Variants in CIART observed in about 807,000 individuals in gnomAD.
CIART encodes circadian-associated transcriptional repressor.
Under a neutral mutation model 22.1 loss-of-function variants are expected in CIART, and 7 were observed. That is an observed-to-expected ratio of 0.32 (90% confidence interval 0.18 to 0.59). The LOEUF is 0.59. CIART is among the 20% of genes least tolerant of loss of function. The probability of loss-of-function intolerance (pLI) is 0.86; values close to 1 mark genes in which losing one functional copy is unlikely to be tolerated. For synonymous variants in CIART, 163 were observed against 174.6 expected, an observed-to-expected ratio of 0.93 and a Z score of 0.53; for missense variants, 440 against 478.0, an observed-to-expected ratio of 0.92 and a Z score of 0.74.
At chr1:150,284,526 C>T (rs1553854245) in intron 3 of CIART, 22 bp downstream of exon 3, 1 of 1,598,636 alleles carries the variant, frequency 6.3e-7, no homozygotes, top group Non-Finnish European at 8.6e-7. Flanking sequence ...TGGTTCTTTG[C>T]TTGGGTCTTC....
At position 150,286,912 on chromosome 1, in the gene CIART, C is replaced by A; in HGVS notation, c.1116C>A (p.Ser372Arg). The change falls in exon 5 of 5, where the codon AGC (serine) becomes AGA (arginine). Residue 372 changes from serine to arginine, a missense_variant. Ser to Arg is a moderately radical substitution (Grantham distance 110, BLOSUM62 -1). Transcript: ENST00000290363. The part of the protein sequence containing the change: ...MTIGHREQQR[S>R]HPPVAADAHL... ...TAGGACACCGGGAGCAGCAGAGAAGCCATCCTCCAGTTGCTGCTGATGCTC... is the reference window on the plus strand; with the variant it reads ...TAGGACACCGGGAGCAGCAGAGAAGACATCCTCCAGTTGCTGCTGATGCTC... The A allele has an allele frequency of 6.3e-7, 1 of 1,597,652 alleles. No homozygotes were observed. The highest frequency in any genetic ancestry group is 8.5e-7 in the Non-Finnish European group (1 of 1,169,822).
At chr1:150,285,963 C>T (rs1445074574) in intron 4 of CIART, among the ~76,000 whole-genome samples, 1 of 152,002 alleles carries the variant, frequency 6.6e-6, no homozygotes, top group African/African-American at 2.4e-5. Flanking sequence ...CAGAGTGAGA[C>T]CCTGTCTCAA....
At chr1:150,284,088 G>T (rs1381668362) in intron 2 of CIART, among the ~76,000 whole-genome samples, 1 of 151,760 alleles carries the variant, frequency 6.6e-6, no homozygotes, top group Non-Finnish European at 1.5e-5. Context: ...CGCGATCTCG[G>T]CTCACTGCAA....
In CIART at chr1:150,286,708, C is replaced by G; in HGVS notation, c.912C>G (p.Thr304=). 1.2e-6 allele frequency: 2 copies of G among 1,613,976 alleles called. No homozygotes were observed. The highest frequency in any genetic ancestry group is 1.7e-6 in the Non-Finnish European group (2 of 1,179,856). ...TCCAGCATGGAGTGCAACCCTTCAC[C>G]CACTCTGCCCCAACCACCCCAGTCC... The part of the protein sequence containing the change: ...LFLQHGVQPF[T]HSAPTTPVPP... The change falls in exon 5 of 5, where the codon ACC becomes ACG. Residue 304 remains threonine (T), a synonymous_variant. Transcript: ENST00000290363.
intron 2 of CIART, 22 bp from the exon 3 acceptor site, chr1:150,284,404 C>G: frequency 1.3e-6 from 2 of 1,558,018 alleles, no homozygotes; most frequent in Non-Finnish European, 1.8e-6. Context: ...AATCCTTAAT[C>G]TCTCTCTGTC....
intron 2 of CIART, 87 bp downstream of exon 2, chr1:150,283,967 T>G (rs587626243): frequency 1.3e-5 from 12 of 943,820 alleles, no homozygotes; most frequent in Middle Eastern, 2.1e-4. Flanking sequence ...AAGTTCTTGT[T>G]TGGGGCCTAT....
chr1:150,287,002 TTATGTA>T lies in CIART; in HGVS notation c.*52_*57del, dbSNP rs782517285. ...TGTGACTTCTAATTTGTGTAAATAT[TTATGTA>T]TATATGTATTTTTACTATTAATGTG... On this transcript the variant is annotated 3_prime_UTR_variant, in exon 5 of 5. Coordinates refer to ENST00000290363, the MANE Select transcript of CIART (RefSeq NM_144697.4). 9 of 1,427,786 alleles carry T rather than the reference TTATGTA, an allele frequency of 6.3e-6. No individual in the cohort carries two copies. The highest frequency in any genetic ancestry group is 6.6e-6 in the Non-Finnish European group (7 of 1,057,882). The allele number at this position is 1,427,786 out of a possible 1,614,324, so 88.4% of individuals were successfully genotyped here. A position where few individuals can be genotyped will look rare whatever the true frequency, so the allele number is the denominator to read the frequency against.
At chr1:150,283,966 T>C in intron 2 of CIART, 86 bp downstream of exon 2, 2 of 980,506 alleles carry the variant, frequency 2.0e-6, no homozygotes, top group South Asian at 2.8e-5. Context: ...GAAGTTCTTG[T>C]TTGGGGCCTA....
chr1:150,284,513 C>A lies in CIART; in HGVS notation c.521+9C>A. The stretch of plus-strand genomic sequence containing the variant: ...CAGAAGCCACAGATGGGGTAAGTCC[C>A]GCTGGTTCTTTGCTTGGGTCTTCAT... On this transcript the variant is annotated intron_variant, in intron 3 of 4. Transcript: ENST00000290363. 6.2e-7 allele frequency: 1 copy of A among 1,605,528 alleles called. No individual in the cohort carries two copies. Among genetic ancestry groups the A allele is most frequent in the Non-Finnish European group, 8.5e-7 (1 of 1,172,186 alleles).
At chr1:150,284,569 G>GT in intron 3 of CIART, 28 bp from the exon 4 acceptor site, 1 of 1,599,352 alleles carries the variant, frequency 6.3e-7, no homozygotes, top group East Asian at 2.2e-5. Flanking sequence ...CCTGTTGCTG[G>GT]TTTTTTAAAG....
rs143011030 is a variant in CIART, at chr1:150,286,701, C to T, written c.905C>T (p.Pro302Leu). The T allele has an allele frequency of 3.1e-6, 5 of 1,614,082 alleles. 1 individual carries two copies. The South Asian group carries it at 5.5e-5, about 18-fold the overall frequency. Residue 302 changes from proline (P) to leucine (L), a missense_variant, in exon 5 of 5, where the codon CCC (proline) becomes CTC (leucine). Transcript: ENST00000290363. ...CTTTTCCTCCAGCATGGAGTGCAACCCTTCACCCACTCTGCCCCAACCACC... is the reference window on the plus strand; with the variant it reads ...CTTTTCCTCCAGCATGGAGTGCAACTCTTCACCCACTCTGCCCCAACCACC... ...VILFLQHGVQ[P>L]FTHSAPTTPV...
Position 150,284,002 on chromosome 1 carries a change from C to CTTTATTATTATTATTATTAT in CIART, c.442+124_442+143dup, listed in dbSNP as rs1553854126. The CTTTATTATTATTATTATTAT allele has an allele frequency of 2.4e-3, 1,264 of 519,868 alleles. 24 individuals carry two copies. The African/African-American group carries it at 0.032, about 13-fold the overall frequency. The allele number at this position is 519,868 out of a possible 1,614,324, so 32.2% of individuals were successfully genotyped here. On this transcript the variant is annotated intron_variant, in intron 2 of 4. Transcript: ENST00000290363. ...TATTACTCCTTTTTTGCTACTATGACTTTATTATTATTATTATTATTATTA... is the reference window on the plus strand; with the variant it reads ...TATTACTCCTTTTTTGCTACTATGACTTTATTATTATTATTATTATTTTATTATTATTATTATTATTATTA...
Position 150,283,866 on chromosome 1 carries a change from G to C in CIART, c.428G>C (p.Gly143Ala), listed in dbSNP as rs781867035. 6.3e-7 allele frequency: 1 copy of C among 1,583,280 alleles called. No individual in the cohort carries two copies. The highest frequency in any genetic ancestry group is 8.7e-7 in the Non-Finnish European group (1 of 1,152,952). Residue 143 changes from glycine to alanine, a missense_variant, in exon 2 of 5, where the codon GGT (glycine) becomes GCT (alanine). Transcript: ENST00000290363. Reference sequence around the variant, plus strand: ...GACCTACTCAATGGGCTGAAGATGGGTCGTTTTGAGAGAGGTAATCTTATT... The same window carrying C: ...GACCTACTCAATGGGCTGAAGATGGCTCGTTTTGAGAGAGGTAATCTTATT... ...LTDLLNGLKMGRFERGLSSFQ... is the reference protein window; with the variant it reads ...LTDLLNGLKMARFERGLSSFQ...
At chr1:150,284,316 G>A in intron 2 of CIART, 110 bp from the exon 3 acceptor site, 3 of 1,077,456 alleles carry the variant, frequency 2.8e-6, no homozygotes, top group Non-Finnish European at 2.8e-6. Flanking sequence ...ACCTTGCCTG[G>A]CCCGACTTAA....
chr1:150,283,278 C>T lies in CIART; in HGVS notation c.11C>T (p.Pro4Leu), dbSNP rs782799615. MDS[P>L]SSVSSYSSYS... is the part of the protein sequence containing the mutation. The stretch of plus-strand genomic sequence containing the variant: ...CCTGCTTCTGGACCTATGGATTCTC[C>T]ATCTAGCGTTTCTTCCTATTCCTCC... Residue 4 changes from proline (P) to leucine (L), a missense_variant, in exon 1 of 5, where the codon CCA (proline) becomes CTA (leucine). Physicochemically the swap from Pro to Leu is moderately conservative, Grantham distance 98. Transcript: ENST00000290363. 5 of 1,519,842 alleles carry T rather than the reference C, an allele frequency of 3.3e-6. No homozygotes were observed. In the Admixed American group the frequency reaches 9.0e-5, roughly 27 times the overall value. 94.1% of individuals were successfully genotyped at this position (1,519,842 alleles called of 1,614,324 possible).
intron 4 of CIART, among the ~76,000 whole-genome samples, chr1:150,285,733 T>G (rs978619639): frequency 1.3e-5 from 2 of 152,056 alleles, no homozygotes; most frequent in East Asian, 1.9e-4. Flanking sequence ...CTTAGCACTT[T>G]GGGAGGCCAA....
chr1:150,285,135 AG>A, intron 4 of CIART: 1 of 195,002 alleles, frequency 5.1e-6, no homozygotes, highest in South Asian at 8.8e-5. Flanking sequence ...ACAGTTTTTG[AG>A]TCTACACTGG....
Position 150,284,602 on chromosome 1 carries a change from G to A in CIART, c.527G>A (p.Arg176His), listed in dbSNP as rs587665092. The change falls in exon 4 of 5, where the codon CGT becomes CAT. Residue 176 changes from arginine to histidine, a missense_variant. Physicochemically the swap from Arg to His is conservative, Grantham distance 29 (BLOSUM62 0). Coordinates refer to ENST00000290363, the MANE Select transcript of CIART (RefSeq NM_144697.4). ...GVLQKPQMGERYLGTLLQVEG... is the reference protein window; with the variant it reads ...GVLQKPQMGEHYLGTLLQVEG... ...AAGCAACGTCATTTTCACAGGGAACGTTACCTAGGAACCTTGCTACAGGTA... is the reference window on the plus strand; with the variant it reads ...AAGCAACGTCATTTTCACAGGGAACATTACCTAGGAACCTTGCTACAGGTA... 5.0e-6 allele frequency: 8 copies of A among 1,611,902 alleles called. No individual in the cohort carries two copies. The highest frequency in any genetic ancestry group is 4.4e-5 in the South Asian group (4 of 91,048).
At position 150,283,276 on chromosome 1, in the gene CIART, T is replaced by G; in HGVS notation, c.9T>G (p.Ser3=). 6.6e-7 allele frequency: 1 copy of G among 1,518,918 alleles called. No individual in the cohort carries two copies. The highest frequency in any genetic ancestry group is 1.3e-5 in the South Asian group (1 of 74,994). 94.1% of individuals were successfully genotyped at this position (1,518,918 alleles called of 1,614,324 possible). The change falls in exon 1 of 5, where the codon TCT becomes TCG. Residue 3 remains serine (S), a synonymous_variant. Coordinates refer to ENST00000290363, the MANE Select transcript of CIART (RefSeq NM_144697.4). MD[S]PSSVSSYSSY... ...CCCCTGCTTCTGGACCTATGGATTCTCCATCTAGCGTTTCTTCCTATTCCT... is the reference window on the plus strand; with the variant it reads ...CCCCTGCTTCTGGACCTATGGATTCGCCATCTAGCGTTTCTTCCTATTCCT...
Sources: allele counts gnomAD v4.1 joint callset (sites outside exome capture counted in the v4.1 genomes callset), GRCh38; gene constraint gnomAD v4.1.1; transcripts MANE v1.5; gene names NCBI Gene and HGNC (gene_info 2026-07-23, HGNC 2026-07-21).